The following WDR7 variants were observed in gnomAD, a reference collection of about 807,000 sequenced individuals.
WDR7 encodes WD repeat-containing protein 7.
A neutral mutation model predicts 169.4 loss-of-function variants in WDR7; 46 were observed. The ratio of observed to expected loss-of-function variants is 0.27; its 90% CI spans 0.21 to 0.35. WDR7 has a LOEUF of 0.35. Among genes scored for constraint, WDR7 ranks in the 10% least tolerant of loss-of-function variants. The pLI is 1.00. For missense variants in WDR7, 1,534 were observed against 1,859.3 expected, an observed-to-expected ratio of 0.83 and a Z score of 3.22; for synonymous variants, 612 against 666.8, an observed-to-expected ratio of 0.92 and a Z score of 1.27.
At position 56,893,332 on chromosome 18, in the gene WDR7, A is replaced by G. The variant is rs139987366; in HGVS notation, c.3526+13167A>G. 3.9e-5 allele frequency among the ~76,000 whole-genome samples: 6 copies of G among 152,190 alleles called. No homozygotes were observed. In the East Asian group the frequency reaches 1.2e-3, roughly 29 times the overall value. ...TAAGTGCATCAGGATCTCTGTAATT[A>G]AAGTATTGAAGTTTCTATAAGTTCA... On this transcript the variant is annotated intron_variant, in intron 21 of 27. Coordinates refer to ENST00000254442, the MANE Select transcript of WDR7 (RefSeq NM_015285.3).
At chr18:56,767,062 G>C (rs969988334) in intron 16 of WDR7, among the ~76,000 whole-genome samples, 1 of 152,024 alleles carries the variant, frequency 6.6e-6, no homozygotes, top group Non-Finnish European at 1.5e-5. Context: ...TTTTTTTCCT[G>C]GTCTTGCTTT....
At position 56,965,455 on chromosome 18, in the gene WDR7, G is replaced by GTT. The variant is rs113816269; in HGVS notation, c.4164+2936_4164+2937dup. 1.6e-3 allele frequency among the ~76,000 whole-genome samples: 224 copies of GTT among 138,494 alleles called. 1 individual carries two copies. Among genetic ancestry groups the GTT allele is most frequent in the Admixed American group, 4.4e-3 (61 of 13,916 alleles). The allele number at this position is 138,494 out of a possible 152,430, so 90.9% of individuals were successfully genotyped here. ...ACTTCTGCCTTTTTTTTTTTAATCTGTTTTTTTTTTTAGATCTGTTATTCC... is the reference window on the plus strand; with the variant it reads ...ACTTCTGCCTTTTTTTTTTTAATCTGTTTTTTTTTTTTTAGATCTGTTATTCC... On this transcript the variant is annotated intron_variant, in intron 26 of 27. Transcript: ENST00000254442.
At chr18:56,947,173 A>G (rs2047115553) in intron 25 of WDR7, among the ~76,000 whole-genome samples, 1 of 152,228 alleles carries the variant, frequency 6.6e-6, no homozygotes, top group East Asian at 1.9e-4. Context: ...ATAGGAATCA[A>G]ACTGCATCCA....
intron 14 of WDR7, among the ~76,000 whole-genome samples, chr18:56,744,250 A>G (rs1423895312): frequency 1.5e-5 from 2 of 131,178 alleles, no homozygotes; most frequent in Admixed American, 1.4e-4. Context: ...AAAAAGAAAA[A>G]AAAAAAAAAA....
intron 20 of WDR7, among the ~76,000 whole-genome samples, chr18:56,830,619 G>A (rs1013082296): frequency 6.6e-6 from 1 of 152,202 alleles, no homozygotes; most frequent in African/African-American, 2.4e-5. Flanking sequence ...GTGATACTAA[G>A]GGTGTCTGAC....
intron 2 of WDR7, among the ~76,000 whole-genome samples, chr18:56,674,343 G>A (rs2025198843): frequency 6.6e-6 from 1 of 152,072 alleles, no homozygotes; most frequent in Admixed American, 6.6e-5. Context: ...TGTGTAAAGT[G>A]GTATCTCATT....
At chr18:56,827,303 C>T (rs117349190) in intron 20 of WDR7, among the ~76,000 whole-genome samples, 3,250 of 152,176 alleles carry the variant, frequency 0.021, 84 homozygotes, top group East Asian at 0.12. Context: ...TATTAGGAGA[C>T]AGATGAATGG....
intron 25 of WDR7, among the ~76,000 whole-genome samples, chr18:56,941,728 C>T (rs1187690044): frequency 6.6e-6 from 1 of 152,206 alleles, no homozygotes; most frequent in African/African-American, 2.4e-5. Context: ...GGGTCACTGT[C>T]TATGTGGCCT....
At chr18:56,991,711 T>C (rs2047821494) in intron 26 of WDR7, among the ~76,000 whole-genome samples, 1 of 152,212 alleles carries the variant, frequency 6.6e-6, no homozygotes, top group Non-Finnish European at 1.5e-5. Flanking sequence ...CCATAACTGA[T>C]ACCTTTATTT....
At chr18:56,750,840 AT>A (rs1212565283) in intron 14 of WDR7, among the ~76,000 whole-genome samples, 1 of 152,208 alleles carries the variant, frequency 6.6e-6, no homozygotes, top group African/African-American at 2.4e-5. Flanking sequence ...ATCTCCATGC[AT>A]TTAGCCAAAA....
At chr18:56,979,938 A>C (rs926641697) in intron 26 of WDR7, among the ~76,000 whole-genome samples, 6 of 152,236 alleles carry the variant, frequency 3.9e-5, no homozygotes, top group African/African-American at 1.4e-4. Flanking sequence ...ATATACTAAA[A>C]GTAATTATGC....
chr18:56,830,047 G>A lies in WDR7; in HGVS notation c.3304+13903G>A, dbSNP rs180895401. On this transcript the variant is annotated intron_variant, in intron 20 of 27. Transcript: ENST00000254442. ...TCCAAGCAGCTCTAAATTGGTTAGT[G>A]TACTGTCCACATATACCGGAAGTCT... Among the ~76,000 whole-genome samples the A allele has an allele frequency of 1.1e-3, 174 of 152,280 alleles. 1 individual carries two copies. The highest frequency in any genetic ancestry group is 4.0e-3 in the African/African-American group (168 of 41,540).
intron 1 of WDR7, among the ~76,000 whole-genome samples, chr18:56,666,824 C>T (rs1167359820): frequency 1.3e-5 from 2 of 151,656 alleles, no homozygotes; most frequent in African/African-American, 4.8e-5. Flanking sequence ...ACCTAAATAT[C>T]CACCCAAATA....
At chr18:56,681,546 G>A (rs546434205) in intron 4 of WDR7, among the ~76,000 whole-genome samples, 155 bp downstream of exon 4, 1 of 152,306 alleles carries the variant, frequency 6.6e-6, no homozygotes, top group Non-Finnish European at 1.5e-5. Context: ...AGTGTTCCTC[G>A]TAAGATGGTA....
At chr18:56,719,352 A>G (rs1390730943) in intron 13 of WDR7, among the ~76,000 whole-genome samples, 2 of 152,222 alleles carry the variant, frequency 1.3e-5, no homozygotes, top group East Asian at 3.9e-4. Flanking sequence ...TCACGAGGTC[A>G]GGAGATCAAG....
intron 26 of WDR7, among the ~76,000 whole-genome samples, chr18:57,014,346 AG>A (rs1472944381): frequency 2.8e-5 from 4 of 140,690 alleles, no homozygotes; most frequent in East Asian, 4.3e-4. Context: ...AAAAAAAAAA[AG>A]AAGAAAAGGA....
chr18:56,766,945 A>C (rs927959859), intron 16 of WDR7, among the ~76,000 whole-genome samples: 6 of 152,096 alleles, frequency 3.9e-5, no homozygotes, highest in South Asian at 4.1e-4. Context: ...CTTAGAATAG[A>C]TGGGAGATGT....
intron 20 of WDR7, among the ~76,000 whole-genome samples, chr18:56,821,289 T>C (rs1052230448): frequency 3.9e-5 from 6 of 152,224 alleles, no homozygotes; most frequent in African/African-American, 1.4e-4. Context: ...TTGACAACTT[T>C]CTTTTATCAA....
At chr18:56,898,081 G>A (rs2046353212) in intron 21 of WDR7, among the ~76,000 whole-genome samples, 2 of 151,932 alleles carry the variant, frequency 1.3e-5, no homozygotes, top group East Asian at 3.9e-4. Context: ...TAGAACATCT[G>A]TCTGTGATGT....
Sources: allele counts gnomAD v4.1 joint callset (sites outside exome capture counted in the v4.1 genomes callset), GRCh38; gene constraint gnomAD v4.1.1; transcripts MANE v1.5; gene names NCBI Gene and HGNC (gene_info 2026-07-23, HGNC 2026-07-21).